RPS10: variants seen among roughly 807,000 people sequenced by gnomAD.
The protein encoded by RPS10 is ribosomal protein S10.
A neutral mutation model predicts 22.6 loss-of-function variants in RPS10; 2 were observed. That is an observed-to-expected ratio of 0.09 (90% CI 0.04 to 0.28). The LOEUF (loss-of-function observed/expected upper bound fraction) is 0.28. RPS10 is among the 10% of genes least tolerant of loss of function. The pLI, the probability that RPS10 is intolerant of heterozygous loss-of-function variation, is 1.00. For missense variants in RPS10, 137 were observed against 222.2 expected (o/e 0.62, Z 2.44); for synonymous variants, 70 against 75.9 (o/e 0.92, Z 0.40).
intron 4 of RPS10, 91 bp downstream of exon 4, chr6:34,421,639 T>C (rs1163547009): frequency 2.8e-6 from 4 of 1,435,624 alleles, no homozygotes; most frequent in Middle Eastern, 2.4e-4. Flanking sequence ...TTTGTCATCA[T>C]CAAGGGCTGA....
intron 4 of RPS10, 23 bp downstream of exon 4, chr6:34,421,707 A>T: frequency 1.2e-6 from 2 of 1,613,030 alleles, no homozygotes; most frequent in Non-Finnish European, 1.7e-6. Flanking sequence ...AACACCCCTA[A>T]TATAGGTGAT....
Position 34,418,390 on chromosome 6 carries a change from C to T in RPS10, c.435G>A (p.Gly145=). The T allele has an allele frequency of 6.2e-7, 1 of 1,614,136 alleles. No individual in the cohort carries two copies. Among genetic ancestry groups the T allele is most frequent in the Non-Finnish European group, 8.5e-7 (1 of 1,180,016 alleles). ...GADKKAEAGA[G]SATEFQFRGG... Reference sequence around the variant, plus strand: ...TCACAAACTGGAATTCGGTTGCTGACCCAGCCCCAGCCTCGGCTTTCTTGT... The same window carrying T: ...TCACAAACTGGAATTCGGTTGCTGATCCAGCCCCAGCCTCGGCTTTCTTGT... The change falls in exon 5 of 6, where the codon GGG becomes GGA. Residue 145 remains glycine (G), a synonymous_variant. Coordinates refer to ENST00000648437, the MANE Select transcript of RPS10 (RefSeq NM_001014.5).
At chr6:34,424,504 C>G (rs976364899) in intron 3 of RPS10, 165 bp downstream of exon 3, 2 of 861,484 alleles carry the variant, frequency 2.3e-6, no homozygotes, top group Non-Finnish European at 3.7e-6. Context: ...AGAACTGAGT[C>G]TAGTTCTATT....
intron 4 of RPS10, among the ~76,000 whole-genome samples, chr6:34,420,140 G>T (rs1340513268): frequency 1.3e-5 from 2 of 152,176 alleles, no homozygotes; most frequent in African/African-American, 2.4e-5. Context: ...AGGAAATTTT[G>T]TATTAGATCT....
rs1325475842 is a variant in RPS10 at position 34,420,553 on chromosome 6, C to G, written c.400+1177G>C. 3.9e-5 allele frequency among the ~76,000 whole-genome samples: 6 copies of G among 152,140 alleles called. No individual in the cohort carries two copies. The South Asian group carries it at 1.2e-3, about 31-fold the overall frequency. On this transcript the variant is annotated intron_variant, in intron 4 of 5. Coordinates refer to ENST00000648437, the MANE Select transcript of RPS10 (RefSeq NM_001014.5). ...AAACTTCCAGTATCACCAACTTCCTCTGAACCAAGGGCTGGAGAAATTCAT... is the reference window on the plus strand; with the variant it reads ...AAACTTCCAGTATCACCAACTTCCTGTGAACCAAGGGCTGGAGAAATTCAT...
At chr6:34,421,626 C>T (rs1351062537) in intron 4 of RPS10, 104 bp downstream of exon 4, 6 of 1,283,100 alleles carry the variant, frequency 4.7e-6, no homozygotes, top group Non-Finnish European at 6.8e-6. Context: ...CTTTCCTGGT[C>T]ATTTTGTCAT....
chr6:34,418,332 G>A (rs1561936616), intron 5 of RPS10, 37 bp downstream of exon 5: 3 of 1,614,004 alleles, frequency 1.9e-6, no homozygotes, highest in Non-Finnish European at 2.5e-6. Context: ...GCCAGAACAA[G>A]TGATGGCTCA....
Position 34,417,487 on chromosome 6 carries a change from A to C in RPS10, c.*19T>G, listed in dbSNP as rs752096176. ...TTTTGGCTGTAAGTTTATTCAATGC[A>C]AAAGAATCCTCTCCAATTTTACTGA... is the stretch of plus-strand genomic sequence containing the variant. On this transcript the variant is annotated 3_prime_UTR_variant, in exon 6 of 6. Coordinates refer to ENST00000648437, the MANE Select transcript of RPS10 (RefSeq NM_001014.5). 1 of 1,609,636 alleles carries C rather than the reference A, an allele frequency of 6.2e-7. No individual in the cohort carries two copies. Among genetic ancestry groups the C allele is most frequent in the South Asian group, 1.1e-5 (1 of 90,900 alleles).
intron 5 of RPS10, chr6:34,418,106 G>A: frequency 2.3e-6 from 3 of 1,333,142 alleles, no homozygotes; most frequent in Non-Finnish European, 3.0e-6. Context: ...CCAGTGTTTA[G>A]TTCAATGTCA....
At chr6:34,421,022 T>TAAA (rs751404903) in intron 4 of RPS10, among the ~76,000 whole-genome samples, 15 of 115,166 alleles carry the variant, frequency 1.3e-4, no homozygotes, top group Non-Finnish European at 2.4e-4. Flanking sequence ...GAAAGAAAAT[T>TAAA]AAAAAAAAAA....
chr6:34,425,251 C>G, intron 1 of RPS10, 30 bp from the exon 2 acceptor site: 1 of 1,586,244 alleles, frequency 6.3e-7, no homozygotes, highest in East Asian at 2.3e-5. Context: ...GTCAAGAGCA[C>G]TTCTGAGTAA....
intron 3 of RPS10, among the ~76,000 whole-genome samples, chr6:34,424,060 A>G (rs956387312): frequency 2.7e-5 from 4 of 150,776 alleles, no homozygotes; most frequent in Non-Finnish European, 5.9e-5. Flanking sequence ...GTAACAAAGA[A>G]CCATAACCTA....
chr6:34,424,162 A>AAAAAAAAAAC (rs1561939860), intron 3 of RPS10: 3 of 150,854 alleles, frequency 2.0e-5, no homozygotes, highest in Non-Finnish European at 2.9e-5. Context: ...AAAAAAAAAA[A>AAAAAAAAAAC]AAGCAACTGT....
intron 2 of RPS10, 95 bp downstream of exon 2, chr6:34,424,977 A>C (rs1361226806): frequency 1.2e-6 from 2 of 1,609,362 alleles, no homozygotes; most frequent in Middle Eastern, 1.8e-4. Context: ...CTTGCCTTGA[A>C]CCTTAGGGGA....
chr6:34,422,211 T>A (rs1173552546), intron 3 of RPS10, among the ~76,000 whole-genome samples: 2 of 152,226 alleles, frequency 1.3e-5, no homozygotes, highest in African/African-American at 4.8e-5. Context: ...CCAACTCCAA[T>A]ATTAAGTACA....
chr6:34,417,958 C>A (rs1765633996), intron 5 of RPS10: 6 of 717,564 alleles, frequency 8.4e-6, no homozygotes, highest in Non-Finnish European at 1.5e-5. Flanking sequence ...CTCACAACTA[C>A]CTTAGTAGCT....
At chr6:34,423,611 G>A (rs935563104) in intron 3 of RPS10, among the ~76,000 whole-genome samples, 9 of 152,152 alleles carry the variant, frequency 5.9e-5, no homozygotes, top group Admixed American at 3.3e-4. Context: ...TGGGCTGGGC[G>A]CGGTGGCTAA....
At chr6:34,418,154 T>C (rs958188109) in intron 5 of RPS10, 1 of 1,473,414 alleles carries the variant, frequency 6.8e-7, no homozygotes. Flanking sequence ...AGGCCACATG[T>C]ACTGATTTCT....
intron 3 of RPS10, 186 bp downstream of exon 3, chr6:34,424,483 G>A (rs929111465): frequency 9.5e-5 from 66 of 692,524 alleles, no homozygotes; most frequent in Non-Finnish European, 2.9e-5. Flanking sequence ...GCCATCTCAT[G>A]GATGGCCTGA....
Sources: allele counts gnomAD v4.1 joint callset (sites outside exome capture counted in the v4.1 genomes callset), GRCh38; gene constraint gnomAD v4.1.1; transcripts MANE v1.5; gene names NCBI Gene and HGNC (gene_info 2026-07-23, HGNC 2026-07-21).